The following GALNT14 variants were observed in gnomAD, a reference collection of about 807,000 sequenced individuals.
GALNT14 encodes UDP-GalNAc:polypeptide N-acetylgalactosaminyltransferase 14.
A neutral mutation model predicts 77.5 loss-of-function variants in GALNT14; 60 were observed. That is an observed-to-expected ratio of 0.77 (90% CI 0.63 to 0.96). GALNT14 has a LOEUF of 0.96. Ranked by LOEUF, GALNT14 falls within the 40% of genes least tolerant of loss-of-function variation. The pLI is 0.00. For synonymous variants in GALNT14, 280 were observed against 281.7 expected (o/e 0.99, Z 0.06); for missense variants, 710 against 731.0 (o/e 0.97, Z 0.33).
At chr2:30,896,281 G>C in the GALNT14 span, among the ~76,000 whole-genome samples, 1 of 152,216 alleles carries the variant, frequency 6.6e-6, no homozygotes, top group Non-Finnish European at 1.5e-5. Context: ...GCTCATGAAA[G>C]TGTTTTCCAC....
chr2:30,903,080 T>C, the GALNT14 span, among the ~76,000 whole-genome samples: 43 of 152,166 alleles, frequency 2.8e-4, no homozygotes, highest in Non-Finnish European at 5.6e-4. Context: ...ATCGTAACTA[T>C]AGGAGGCCAC....
At chr2:31,002,360 G>T (rs1296514796) in intron 1 of GALNT14, among the ~76,000 whole-genome samples, 1 of 152,024 alleles carries the variant, frequency 6.6e-6, no homozygotes, top group East Asian at 1.9e-4. Context: ...AAGTGGGGAG[G>T]CGGAGGCTGA....
At chr2:31,001,948 A>G (rs1670390347) in intron 1 of GALNT14, among the ~76,000 whole-genome samples, 3 of 152,242 alleles carry the variant, frequency 2.0e-5, no homozygotes, top group African/African-American at 7.2e-5. Flanking sequence ...CAGAAATGAA[A>G]TAATAATGAT....
At chr2:30,934,693 C>G (rs1159614126) in intron 9 of GALNT14, among the ~76,000 whole-genome samples, 1 of 152,182 alleles carries the variant, frequency 6.6e-6, no homozygotes, top group African/African-American at 2.4e-5. Context: ...ATTGCCTGGC[C>G]CTGATCCTTC....
At chr2:31,131,497 A>C (rs1024941208) in intron 1 of GALNT14, among the ~76,000 whole-genome samples, 3 of 152,180 alleles carry the variant, frequency 2.0e-5, no homozygotes, top group Non-Finnish European at 4.4e-5. Flanking sequence ...TCTAATTCAG[A>C]TTATTTTCCA....
intron 9 of GALNT14, among the ~76,000 whole-genome samples, chr2:30,934,100 T>C (rs1055236122): frequency 3.3e-5 from 5 of 152,188 alleles, no homozygotes; most frequent in African/African-American, 1.2e-4. Context: ...AGATTTCGAC[T>C]CTCCATAAAG....
intron 1 of GALNT14, among the ~76,000 whole-genome samples, chr2:31,101,712 T>A (rs1677286186): frequency 6.6e-6 from 1 of 152,028 alleles, no homozygotes; most frequent in African/African-American, 2.4e-5. Flanking sequence ...GATTAACTAG[T>A]AGTTTATTTT....
At chr2:30,993,390 T>C (rs1430816823) in intron 1 of GALNT14, among the ~76,000 whole-genome samples, 2 of 152,132 alleles carry the variant, frequency 1.3e-5, no homozygotes, top group African/African-American at 4.8e-5. Flanking sequence ...AACTGGAACT[T>C]CAATTCTAGT....
chr2:30,917,588 GTAGT>G (rs1664763616), intron 13 of GALNT14, among the ~76,000 whole-genome samples: 2 of 152,238 alleles, frequency 1.3e-5, no homozygotes, highest in African/African-American at 4.8e-5. Flanking sequence ...TGGTTTTGTT[GTAGT>G]TAGACAGCCA....
intron 1 of GALNT14, among the ~76,000 whole-genome samples, chr2:31,076,446 G>A (rs1675793576): frequency 1.3e-5 from 2 of 151,970 alleles, no homozygotes; most frequent in African/African-American, 4.8e-5. Flanking sequence ...CCATCCTCTG[G>A]AGATCCCTTT....
At chr2:31,062,814 G>A (rs1380721951) in intron 1 of GALNT14, among the ~76,000 whole-genome samples, 1 of 152,182 alleles carries the variant, frequency 6.6e-6, no homozygotes, top group Admixed American at 6.5e-5. Context: ...AATGACCAGT[G>A]ATGATGAGCT....
intron 12 of GALNT14, 51 bp downstream of exon 12, chr2:30,924,689 T>C (rs769444787): frequency 6.6e-7 from 1 of 1,506,648 alleles, no homozygotes; most frequent in South Asian, 1.1e-5. Flanking sequence ...CCAAGCCAGC[T>C]GAGGGCCTCT....
At chr2:31,048,087 C>T (rs962907079) in intron 1 of GALNT14, among the ~76,000 whole-genome samples, 1 of 152,246 alleles carries the variant, frequency 6.6e-6, no homozygotes, top group Admixed American at 6.5e-5. Context: ...AAATGCCCAA[C>T]AGCCAGCTCC....
intron 9 of GALNT14, among the ~76,000 whole-genome samples, chr2:30,940,485 A>G (rs555296588): frequency 6.6e-6 from 1 of 152,374 alleles, no homozygotes; most frequent in East Asian, 1.9e-4. Context: ...AGTTCAACAA[A>G]AAATATATCT....
At chr2:30,985,560 C>CG (rs1164294227) in intron 2 of GALNT14, among the ~76,000 whole-genome samples, 1 of 152,172 alleles carries the variant, frequency 6.6e-6, no homozygotes, top group Admixed American at 6.5e-5. Context: ...CAAACTGCCC[C>CG]GGGCTGTGGA....
At position 30,992,987 on chromosome 2, in the gene GALNT14, G is replaced by A. The variant is rs150086641; in HGVS notation, c.150C>T (p.Asp50=). 1.1e-3 allele frequency: 1,818 copies of A among 1,614,086 alleles called. 1 individual carries two copies. The highest frequency in any genetic ancestry group is 1.3e-3 in the Non-Finnish European group (1,571 of 1,180,016). ...QTPKPSDADW[D]DLWDQFDERR... Reference sequence around the variant, plus strand: ...GCTCATCAAACTGGTCCCACAGGTCGTCCCAGTCAGCGTCCGAAGGCTGCG... The same window carrying A: ...GCTCATCAAACTGGTCCCACAGGTCATCCCAGTCAGCGTCCGAAGGCTGCG... Residue 50 remains aspartate, a synonymous_variant, in exon 2 of 15, where the codon GAC becomes GAT. Coordinates refer to ENST00000349752, the MANE Select transcript of GALNT14 (RefSeq NM_024572.4).
At chr2:31,090,481 CTTT>C (rs70962302) in intron 1 of GALNT14, among the ~76,000 whole-genome samples, 2,623 of 93,054 alleles carry the variant, frequency 0.028, 21 homozygotes, top group African/African-American at 0.061. Context: ...GTCCCTTCAT[CTTT>C]TTTTTTTTTT....
At chr2:30,903,857 G>A in the GALNT14 span, among the ~76,000 whole-genome samples, 2 of 152,230 alleles carry the variant, frequency 1.3e-5, no homozygotes, top group African/African-American at 4.8e-5. Context: ...GAAGGTATGG[G>A]CATATTTTGG....
intron 4 of GALNT14, 32 bp from the exon 5 acceptor site, chr2:30,956,009 G>T: frequency 6.2e-7 from 1 of 1,608,838 alleles, no homozygotes; most frequent in East Asian, 2.2e-5. Context: ...CCAATTGAGC[G>T]CCCAGGGATG....
Sources: allele counts gnomAD v4.1 joint callset (sites outside exome capture counted in the v4.1 genomes callset), GRCh38; gene constraint gnomAD v4.1.1; transcripts MANE v1.5; gene names NCBI Gene and HGNC (gene_info 2026-07-23, HGNC 2026-07-21).